KDM4B: variants seen among roughly 807,000 people sequenced by gnomAD.
KDM4B encodes lysine demethylase 4B.
In KDM4B, 32 loss-of-function variants were observed where a neutral mutation model predicts 125.2. The ratio of observed to expected loss-of-function variants is 0.26; its 90% CI spans 0.19 to 0.34. The LOEUF is 0.34. Among genes scored for constraint, KDM4B ranks in the 10% least tolerant of loss-of-function variants. KDM4B has a pLI of 1.00. For missense variants in KDM4B, 1,190 were observed against 1,577.7 expected, an observed-to-expected ratio of 0.75 and a Z score of 4.16; for synonymous variants, 721 against 677.9, an observed-to-expected ratio of 1.06 and a Z score of -0.99.
At chr19:5,037,881 C>G (rs2145647899) in intron 3 of KDM4B, among the ~76,000 whole-genome samples, 1 of 152,388 alleles carries the variant, frequency 6.6e-6, no homozygotes, top group South Asian at 2.1e-4. Context: ...CTAAAGAAAC[C>G]TGTGCATGCC....
intron 10 of KDM4B, chr19:5,118,997 C>T (rs2146014956): frequency 1.6e-6 from 1 of 642,094 alleles, no homozygotes; most frequent in Middle Eastern, 3.2e-4. Flanking sequence ...CTCCCATGCA[C>T]CTCATGGGCT....
At chr19:5,091,362 G>T (rs747955311) in intron 9 of KDM4B, among the ~76,000 whole-genome samples, 3 of 152,226 alleles carry the variant, frequency 2.0e-5, no homozygotes, top group Non-Finnish European at 4.4e-5. Context: ...GTCTGTGGGT[G>T]AGGCCTGCTG....
intron 9 of KDM4B, among the ~76,000 whole-genome samples, chr19:5,105,434 A>T (rs1427922036): frequency 6.6e-6 from 1 of 152,222 alleles, no homozygotes; most frequent in East Asian, 1.9e-4. Flanking sequence ...GTCAGGCTTC[A>T]GCAAGCTTTT....
At chr19:5,012,416 C>T (rs1363188324) in intron 1 of KDM4B, among the ~76,000 whole-genome samples, 3 of 152,164 alleles carry the variant, frequency 2.0e-5, no homozygotes, top group Non-Finnish European at 2.9e-5. Flanking sequence ...CTGCTTTCCC[C>T]TAATGGACTG....
intron 3 of KDM4B, among the ~76,000 whole-genome samples, chr19:5,038,138 C>T (rs2036688350): frequency 6.6e-6 from 1 of 152,202 alleles, no homozygotes. Flanking sequence ...TGGGTTAGTT[C>T]CTTCTCCCTG....
intron 9 of KDM4B, among the ~76,000 whole-genome samples, chr19:5,092,033 C>T (rs932075326): frequency 6.6e-6 from 1 of 152,204 alleles, no homozygotes; most frequent in Non-Finnish European, 1.5e-5. Flanking sequence ...CACAGTCACG[C>T]AGAAGCGTGG....
At chr19:5,128,853 CG>C (rs1196449989) in intron 11 of KDM4B, among the ~76,000 whole-genome samples, 1 of 1,824 alleles carries the variant, frequency 5.5e-4, no homozygotes, top group Non-Finnish European at 1.5e-3. Flanking sequence ...ACAGTGGAGG[CG>C]GGGGGCGGGG....
intron 8 of KDM4B, chr19:5,077,679 G>T: frequency 1.8e-6 from 1 of 557,036 alleles, no homozygotes; most frequent in Non-Finnish European, 3.2e-6. Context: ...TGAATCTGGC[G>T]GGGTGTTAAC....
At chr19:5,050,720 G>A (rs2037193241) in intron 6 of KDM4B, among the ~76,000 whole-genome samples, 1 of 152,176 alleles carries the variant, frequency 6.6e-6, no homozygotes, top group Non-Finnish European at 1.5e-5. Flanking sequence ...CTAACACGGT[G>A]AAACCCCGTC....
intron 9 of KDM4B, among the ~76,000 whole-genome samples, chr19:5,086,049 CT>C (rs1452937096): frequency 6.6e-6 from 1 of 152,178 alleles, no homozygotes; most frequent in African/African-American, 2.4e-5. Context: ...CCCAGCTCCC[CT>C]GTCCCATTTG....
At chr19:5,099,557 C>T (rs1174945059) in intron 9 of KDM4B, among the ~76,000 whole-genome samples, 1 of 152,234 alleles carries the variant, frequency 6.6e-6, no homozygotes, top group Non-Finnish European at 1.5e-5. Context: ...GCCAACATGG[C>T]AGGTTAGCAT....
chr19:5,013,573 C>T (rs1255130668), intron 1 of KDM4B, among the ~76,000 whole-genome samples: 1 of 152,192 alleles, frequency 6.6e-6, no homozygotes, highest in African/African-American at 2.4e-5. Context: ...CTTTCCTCTC[C>T]CAGCGTCTAG....
intron 9 of KDM4B, among the ~76,000 whole-genome samples, chr19:5,090,156 C>T (rs947922663): frequency 1.3e-5 from 2 of 152,162 alleles, no homozygotes; most frequent in African/African-American, 2.4e-5. Flanking sequence ...GAGCGCCTGC[C>T]GTGTGCAGGG....
intron 1 of KDM4B, among the ~76,000 whole-genome samples, chr19:4,986,479 A>G (rs2034835393): frequency 6.6e-6 from 1 of 152,208 alleles, no homozygotes; most frequent in Non-Finnish European, 1.5e-5. Flanking sequence ...TGATAGCAGA[A>G]GACAGCGAAG....
chr19:5,106,328 C>T (rs1475777018), intron 9 of KDM4B, among the ~76,000 whole-genome samples: 1 of 152,200 alleles, frequency 6.6e-6, no homozygotes, highest in Non-Finnish European at 1.5e-5. Context: ...TGAATTCCTT[C>T]CTTCCTTAGG....
chr19:5,108,104 C>T (rs1167048290), intron 9 of KDM4B, among the ~76,000 whole-genome samples: 7 of 152,220 alleles, frequency 4.6e-5, no homozygotes, highest in Non-Finnish European at 1.0e-4. Flanking sequence ...TGCTCCAGGC[C>T]GTGGCAGTGC....
At chr19:4,979,215 T>G (rs981061959) in intron 1 of KDM4B, among the ~76,000 whole-genome samples, 2 of 151,980 alleles carry the variant, frequency 1.3e-5, no homozygotes, top group Non-Finnish European at 2.9e-5. Flanking sequence ...CCCAGGAGTT[T>G]GAGCCTACAG....
At chr19:4,970,200 C>T (rs535178844) in intron 1 of KDM4B, among the ~76,000 whole-genome samples, 21 of 152,266 alleles carry the variant, frequency 1.4e-4, no homozygotes, top group South Asian at 8.3e-4. Flanking sequence ...TTTTAAGGGG[C>T]ATGTTTTCCG....
chr19:5,001,989 GT>G (rs981305253), intron 1 of KDM4B, among the ~76,000 whole-genome samples: 15 of 140,274 alleles, frequency 1.1e-4, no homozygotes, highest in Admixed American at 2.1e-4. Context: ...TTTCCTTTGT[GT>G]TTTTTTTTTC....
Sources: allele counts gnomAD v4.1 joint callset (sites outside exome capture counted in the v4.1 genomes callset), GRCh38; gene constraint gnomAD v4.1.1; transcripts MANE v1.5; gene names NCBI Gene and HGNC (gene_info 2026-07-23, HGNC 2026-07-21).